The following RHOBTB1 variants were observed in gnomAD, a reference collection of about 807,000 sequenced individuals.
The protein encoded by RHOBTB1 is rho-related BTB domain-containing protein 1.
In RHOBTB1, 40 loss-of-function variants were observed where a neutral mutation model predicts 71.6. The ratio of observed to expected loss-of-function variants is 0.56; its 90% CI spans 0.43 to 0.73. RHOBTB1 has a LOEUF of 0.73. Ranked by LOEUF, RHOBTB1 falls within the 30% of genes least tolerant of loss-of-function variation. The pLI is 0.00. For missense variants in RHOBTB1, 797 were observed against 894.0 expected (o/e 0.89, Z 1.38); for synonymous variants, 319 against 334.9 (o/e 0.95, Z 0.52).
At chr10:60,971,496 A>G (rs2086156840) in intron 2 of RHOBTB1, among the ~76,000 whole-genome samples, 1 of 152,232 alleles carries the variant, frequency 6.6e-6, no homozygotes, top group Admixed American at 6.5e-5. Context: ...AGCCATATGC[A>G]GAAAACTGAA....
At chr10:60,971,314 C>T (rs1421132887) in intron 2 of RHOBTB1, among the ~76,000 whole-genome samples, 2 of 152,010 alleles carry the variant, frequency 1.3e-5, no homozygotes, top group African/African-American at 2.4e-5. Flanking sequence ...GCTACAGTAA[C>T]CAAAACAGCA....
At chr10:60,995,124 A>T (rs1011795702) in intron 1 of RHOBTB1, among the ~76,000 whole-genome samples, 2 of 152,104 alleles carry the variant, frequency 1.3e-5, no homozygotes, top group Non-Finnish European at 2.9e-5. Flanking sequence ...TTCTTGAACT[A>T]AATTATTTAT....
In RHOBTB1 at chr10:60,955,043, C is replaced by CTTTTT. The variant is rs34012455; in HGVS notation, c.-61-13194_-61-13190dup. ...GGGGAATCTTTTCTTTTCTTTCTTT[C>CTTTTT]TTTTTTTTTTTTTTTTTTTAAGATG... On this transcript the variant is annotated intron_variant, in intron 2 of 11. Coordinates refer to the RHOBTB1 transcript ENST00000357917. Among the ~76,000 whole-genome samples the CTTTTT allele has an allele frequency of 8.5e-3, 954 of 112,672 alleles. 20 individuals are homozygous for CTTTTT. The highest frequency in any genetic ancestry group is 0.011 in the South Asian group (35 of 3,246). 73.9% of individuals were successfully genotyped at this position (112,672 alleles called of 152,430 possible).
Position 60,910,919 on chromosome 10 carries a change from A to T in RHOBTB1, c.264T>A (p.Asp88Glu). The T allele has an allele frequency of 6.2e-7, 1 of 1,614,068 alleles. No homozygotes were observed. Among genetic ancestry groups the T allele is most frequent in the Non-Finnish European group, 8.5e-7 (1 of 1,179,986 alleles). The stretch of plus-strand genomic sequence containing the variant: ...ATGCAAAGCGTCTGTCTTTGTGATG[A>T]TCACCAAAAGTATCCCAAAGCCTGA... ...VSLRLWDTFG[D>E]HHKDRRFAYG... Residue 88 changes from aspartate (D) to glutamate (E), a missense_variant, in exon 4 of 11, where the codon GAT becomes GAA. Asp to Glu is a conservative substitution (Grantham distance 45, BLOSUM62 2). Transcript: ENST00000337910.
Position 60,986,465 on chromosome 10 carries a change from A to C in RHOBTB1, c.-162-520T>G, listed in dbSNP as rs182338503. ...ATAGGCCATATATACTGGTCAACAC[A>C]GTTGAAGTGATTGAAGTTATAATAT... On this transcript the variant is annotated intron_variant, in intron 1 of 11. Coordinates refer to the RHOBTB1 transcript ENST00000357917. Among the ~76,000 whole-genome samples, 4 of 147,432 alleles carry C rather than the reference A, an allele frequency of 2.7e-5. No homozygotes were observed. In the East Asian group the frequency reaches 7.9e-4, roughly 29 times the overall value.
intron 2 of RHOBTB1, among the ~76,000 whole-genome samples, chr10:60,923,865 C>T (rs751285747): frequency 7.2e-5 from 11 of 152,150 alleles, no homozygotes; most frequent in Non-Finnish European, 1.6e-4. Flanking sequence ...GATTGTGAGG[C>T]CTCCTCAGCC....
intron 4 of RHOBTB1, among the ~76,000 whole-genome samples, chr10:60,895,907 T>C (rs1466604166): frequency 1.3e-5 from 2 of 152,286 alleles, no homozygotes; most frequent in South Asian, 2.1e-4. Context: ...GTGACAGAGC[T>C]ATAGAAAGAT....
chr10:60,915,344 T>C (rs188355777), intron 2 of RHOBTB1, among the ~76,000 whole-genome samples: 1 of 152,286 alleles, frequency 6.6e-6, no homozygotes, highest in East Asian at 1.9e-4. Flanking sequence ...TATTATTCAT[T>C]TAACACTATT....
At chr10:60,991,357 G>C (rs2086858373) in intron 1 of RHOBTB1, among the ~76,000 whole-genome samples, 1 of 151,734 alleles carries the variant, frequency 6.6e-6, no homozygotes, top group Non-Finnish European at 1.5e-5. Context: ...CTTGGTGATG[G>C]ACCTGATGAC....
At chr10:60,874,148 G>C (rs1046499433) in intron 9 of RHOBTB1, among the ~76,000 whole-genome samples, 5 of 152,220 alleles carry the variant, frequency 3.3e-5, no homozygotes, top group Non-Finnish European at 7.3e-5. Context: ...AACAGAAAGA[G>C]GGAGCACAGG....
the RHOBTB1 span, among the ~76,000 whole-genome samples, chr10:60,862,829 T>C: frequency 8.9e-5 from 13 of 146,752 alleles, no homozygotes; most frequent in Non-Finnish European, 1.8e-4. Context: ...CTTTCATTCT[T>C]TTCCTCCCTC....
intron 4 of RHOBTB1, among the ~76,000 whole-genome samples, chr10:60,893,567 C>T (rs1226988161): frequency 1.3e-5 from 2 of 152,084 alleles, no homozygotes; most frequent in East Asian, 1.9e-4. Context: ...AAGAAAAATC[C>T]TGAATTTGCA....
chr10:60,888,201 G>A lies in RHOBTB1; in HGVS notation c.1456+11C>T, dbSNP rs1236189101. On this transcript the variant is annotated intron_variant, in intron 6 of 10. Transcript: ENST00000337910. ...AAAGGTATTAATGGCTCTGCCCCGC[G>A]GCCCACTCACCCGAGAACGTTCCCT... 3.7e-6 allele frequency: 6 copies of A among 1,606,968 alleles called. No homozygotes were observed. The highest frequency in any genetic ancestry group is 1.3e-5 in the African/African-American group (1 of 74,578).
In RHOBTB1 at chr10:60,981,814, A is replaced by G. The variant is rs554433753; in HGVS notation, c.-62+4031T>C. The stretch of plus-strand genomic sequence containing the variant: ...CACGGAGTTTCGCTTTTGTTGCCCA[A>G]GCTGGGGTGCAATGGTGCGACCTCG... On this transcript the variant is annotated intron_variant, in intron 2 of 11. Coordinates refer to the RHOBTB1 transcript ENST00000357917. Among the ~76,000 whole-genome samples, 7 of 152,106 alleles carry G rather than the reference A, an allele frequency of 4.6e-5. No individual in the cohort carries two copies. In the South Asian group the frequency reaches 1.5e-3, roughly 32 times the overall value.
intron 2 of RHOBTB1, among the ~76,000 whole-genome samples, chr10:60,937,301 T>C (rs1392525194): frequency 6.6e-6 from 1 of 152,206 alleles, no homozygotes; most frequent in Admixed American, 6.5e-5. Context: ...GTGGTGTTTA[T>C]GCTTTTCCTA....
intron 2 of RHOBTB1, among the ~76,000 whole-genome samples, chr10:60,930,061 CA>C (rs1339065093): frequency 6.6e-6 from 1 of 151,840 alleles, no homozygotes; most frequent in Admixed American, 6.6e-5. Context: ...ATAATATGAA[CA>C]AAAAAATCTC....
chr10:60,918,691 T>C (rs1229458049), intron 2 of RHOBTB1, among the ~76,000 whole-genome samples: 2 of 152,168 alleles, frequency 1.3e-5, no homozygotes, highest in Non-Finnish European at 2.9e-5. Flanking sequence ...TGGAATATGC[T>C]GCATCTTATC....
At chr10:60,899,033 G>T (rs1001212506) in intron 4 of RHOBTB1, among the ~76,000 whole-genome samples, 2 of 152,142 alleles carry the variant, frequency 1.3e-5, no homozygotes, top group African/African-American at 2.4e-5. Flanking sequence ...TATCATAGGG[G>T]TTAATGGCCT....
chr10:60,864,423 T>C, the RHOBTB1 span, among the ~76,000 whole-genome samples: 2 of 152,110 alleles, frequency 1.3e-5, no homozygotes, highest in South Asian at 2.1e-4. Flanking sequence ...CAGTTGGCCA[T>C]GGAAATATTT....
Sources: gnomAD v4.1 joint callset for allele counts (sites outside exome capture counted in the v4.1 genomes callset) on GRCh38, gnomAD v4.1.1 for gene constraint, MANE v1.5 for transcripts, NCBI Gene and HGNC (gene_info 2026-07-23, HGNC 2026-07-21) for gene names.